The following LINGO2 variants were observed in gnomAD, a reference collection of about 807,000 sequenced individuals.
LINGO2 encodes the protein leucine-rich repeat and immunoglobulin-like domain-containing nogo receptor-interacting protein 2.
A neutral mutation model predicts 30.6 loss-of-function variants in LINGO2; 14 were observed. The observed-to-expected ratio is 0.46, with a 90% confidence interval of 0.30 to 0.72. LINGO2 has a LOEUF of 0.72. LINGO2 is among the 30% of genes least tolerant of loss of function. The pLI is 0.07. For synonymous variants in LINGO2, 317 were observed against 288.5 expected (o/e 1.10, Z -1.00); for missense variants, 729 against 751.7 (o/e 0.97, Z 0.35).
chr9:28,198,872 C>T (rs979370994), intron 4 of LINGO2, among the ~76,000 whole-genome samples: 1 of 152,038 alleles, frequency 6.6e-6, no homozygotes, highest in Non-Finnish European at 1.5e-5. Flanking sequence ...CTTAAATGTC[C>T]CATCCGTTGC....
At chr9:28,527,860 T>G (rs911457572) in intron 1 of LINGO2, among the ~76,000 whole-genome samples, 1 of 152,184 alleles carries the variant, frequency 6.6e-6, no homozygotes, top group Non-Finnish European at 1.5e-5. Flanking sequence ...CTAAATCTGT[T>G]GTCGATTAAA....
intron 2 of LINGO2, among the ~76,000 whole-genome samples, chr9:28,424,642 G>A (rs1355301051): frequency 2.0e-5 from 3 of 152,122 alleles, no homozygotes; most frequent in South Asian, 2.1e-4. Flanking sequence ...GTAAGCCGAC[G>A]TCATTTAAGT....
At chr9:28,835,374 T>G in the LINGO2 span, among the ~76,000 whole-genome samples, 1 of 152,206 alleles carries the variant, frequency 6.6e-6, no homozygotes, top group African/African-American at 2.4e-5. Flanking sequence ...TTGTCTTTCC[T>G]GATATAACAT....
chr9:28,637,118 G>T (rs1588001847), intron 1 of LINGO2, among the ~76,000 whole-genome samples: 1 of 152,284 alleles, frequency 6.6e-6, no homozygotes, highest in South Asian at 2.1e-4. Context: ...GTTTGTCAAA[G>T]ATCAGATGGT....
At chr9:28,371,618 G>A (rs1415767105) in intron 3 of LINGO2, among the ~76,000 whole-genome samples, 1 of 152,104 alleles carries the variant, frequency 6.6e-6, no homozygotes, top group Non-Finnish European at 1.5e-5. Context: ...AAACATTCAG[G>A]CCATAGTACC....
intron 1 of LINGO2, among the ~76,000 whole-genome samples, chr9:28,481,385 C>G (rs1331731726): frequency 6.6e-6 from 1 of 152,056 alleles, no homozygotes; most frequent in Non-Finnish European, 1.5e-5. Context: ...CCTATACGCA[C>G]CAAAATTTAT....
intron 1 of LINGO2, among the ~76,000 whole-genome samples, chr9:28,652,270 G>A (rs1276130316): frequency 1.3e-5 from 2 of 152,222 alleles, no homozygotes; most frequent in East Asian, 3.9e-4. Context: ...TTAAGTCAAT[G>A]TCTTTTCATA....
At chr9:29,088,884 C>T in the LINGO2 span, among the ~76,000 whole-genome samples, 13 of 152,166 alleles carry the variant, frequency 8.5e-5, no homozygotes, top group South Asian at 2.7e-3. Flanking sequence ...TTAACATATG[C>T]CTTTCAGTTA....
chr9:28,628,009 T>C (rs1171677727), intron 1 of LINGO2, among the ~76,000 whole-genome samples: 1 of 152,104 alleles, frequency 6.6e-6, no homozygotes, highest in African/African-American at 2.4e-5. Context: ...TTGTCTGCTC[T>C]CTGTTTCTAT....
At chr9:28,016,402 T>C (rs982702654) in intron 4 of LINGO2, among the ~76,000 whole-genome samples, 9 of 152,254 alleles carry the variant, frequency 5.9e-5, no homozygotes, top group Admixed American at 5.9e-4. Flanking sequence ...CCTGAAAGTC[T>C]GACTTCTGAA....
At chr9:28,982,323 G>C in the LINGO2 span, among the ~76,000 whole-genome samples, 1 of 152,106 alleles carries the variant, frequency 6.6e-6, no homozygotes, top group South Asian at 2.1e-4. Flanking sequence ...AATTGAAAAA[G>C]TCTTTTGGCG....
chr9:28,856,562 T>C, the LINGO2 span, among the ~76,000 whole-genome samples: 1 of 151,934 alleles, frequency 6.6e-6, no homozygotes, highest in Admixed American at 6.6e-5. Flanking sequence ...AAAGGAGAGT[T>C]ATGAACAGAT....
chr9:28,549,412 T>C (rs545141363), intron 1 of LINGO2, among the ~76,000 whole-genome samples: 1 of 152,216 alleles, frequency 6.6e-6, no homozygotes, highest in East Asian at 1.9e-4. Flanking sequence ...ACTAAAGGAA[T>C]GATGCAATAA....
the LINGO2 span, among the ~76,000 whole-genome samples, chr9:28,765,524 G>A: frequency 1.3e-5 from 2 of 152,218 alleles, no homozygotes; most frequent in East Asian, 3.9e-4. Flanking sequence ...TCCCAAAGGA[G>A]TGAATGAGCT....
chr9:29,055,511 A>C, the LINGO2 span, among the ~76,000 whole-genome samples: 1 of 152,190 alleles, frequency 6.6e-6, no homozygotes, highest in African/African-American at 2.4e-5. Flanking sequence ...TGTAATCAAC[A>C]TGAAAGTCTG....
chr9:28,047,745 A>G (rs1824489552), intron 4 of LINGO2, among the ~76,000 whole-genome samples: 1 of 150,904 alleles, frequency 6.6e-6, no homozygotes, highest in Non-Finnish European at 1.5e-5. Flanking sequence ...GTTAGCTGTC[A>G]TTTTATTAAA....
chr9:29,096,825 C>T, the LINGO2 span, among the ~76,000 whole-genome samples: 2 of 139,918 alleles, frequency 1.4e-5, 1 homozygote, highest in African/African-American at 5.3e-5. Context: ...TTGTTCATTT[C>T]TTCCTTTCAT....
chr9:28,989,994 A>G, the LINGO2 span, among the ~76,000 whole-genome samples: 2 of 152,128 alleles, frequency 1.3e-5, no homozygotes, highest in African/African-American at 4.8e-5. Flanking sequence ...CTGCATTTCC[A>G]TCTGAGGAAA....
chr9:28,409,393 A>G (rs1822654680), intron 2 of LINGO2, among the ~76,000 whole-genome samples: 1 of 152,080 alleles, frequency 6.6e-6, no homozygotes, highest in Non-Finnish European at 1.5e-5. Flanking sequence ...TAGCAAGCAC[A>G]AGTGTACAAT....
Sources: allele counts gnomAD v4.1 joint callset (sites outside exome capture counted in the v4.1 genomes callset), GRCh38; gene constraint gnomAD v4.1.1; transcripts MANE v1.5; gene names NCBI Gene and HGNC (gene_info 2026-07-23, HGNC 2026-07-21).